Variants in ZGRF1 observed in about 807,000 individuals in gnomAD.
ZGRF1 encodes 5'-3' DNA helicase ZGRF1.
Under a neutral mutation model 203.5 loss-of-function variants are expected in ZGRF1, and 196 were observed. The ratio of observed to expected loss-of-function variants is 0.96; its 90% CI spans 0.86 to 1.08. The LOEUF is 1.08. Among genes scored for constraint, ZGRF1 ranks in the 50% least tolerant of loss-of-function variants. The pLI, the probability that ZGRF1 is intolerant of heterozygous loss-of-function variation, is 0.00. For missense variants in ZGRF1, 2,326 were observed against 2,416.3 expected (o/e 0.96, Z 0.78); for synonymous variants, 809 against 841.3 (o/e 0.96, Z 0.66).
chr4:112,612,960 A>G (rs1342606669), intron 6 of ZGRF1, among the ~76,000 whole-genome samples: 3 of 152,196 alleles, frequency 2.0e-5, no homozygotes, highest in Non-Finnish European at 4.4e-5. Flanking sequence ...TAGGAAAGAA[A>G]GTCAAGACTC....
At chr4:112,625,177 T>C (rs1373442644) in intron 3 of ZGRF1, among the ~76,000 whole-genome samples, 1 of 152,180 alleles carries the variant, frequency 6.6e-6, no homozygotes, top group Non-Finnish European at 1.5e-5. Context: ...TAGTCCCAAC[T>C]ACTTCGGAAG....
intron 4 of ZGRF1, among the ~76,000 whole-genome samples, chr4:112,621,190 TAG>T (rs1421747834): frequency 6.6e-6 from 1 of 152,174 alleles, no homozygotes; most frequent in Non-Finnish European, 1.5e-5. Context: ...TTTCAAAAAT[TAG>T]AGTTATTACC....
chr4:112,612,631 G>T, intron 6 of ZGRF1, 43 bp from the exon 7 acceptor site: 1 of 1,222,534 alleles, frequency 8.2e-7, no homozygotes, highest in Non-Finnish European at 1.2e-6. Flanking sequence ...GTTATATATA[G>T]CAGTACTCTA....
At chr4:112,558,053 C>T in intron 20 of ZGRF1, 97 bp downstream of exon 20, 1 of 963,610 alleles carries the variant, frequency 1.0e-6, no homozygotes, top group Non-Finnish European at 1.6e-6. Flanking sequence ...CTTGGCATAA[C>T]CAGCAAGAGT....
At position 112,539,983 on chromosome 4, in the gene ZGRF1, C is replaced by G. The variant is rs938179717; in HGVS notation, c.6052G>C (p.Asp2018His). ...GCAACATTCATTCTTTTTTCTGAAT[C>G]AATGAATCCTACTTGTCTTGTCCTT... ...CVRTRQVGFIDSEKRMNVALT... is the reference protein window; with the variant it reads ...CVRTRQVGFIHSEKRMNVALT... Residue 2018 changes from aspartate to histidine, a missense_variant, in exon 27 of 28, where the codon GAT becomes CAT. Physicochemically the swap from Asp to His is moderately conservative, Grantham distance 81 (BLOSUM62 -1). Coordinates refer to ENST00000505019, the MANE Select transcript of ZGRF1 (RefSeq NM_018392.5). 6.2e-7 allele frequency: 1 copy of G among 1,613,622 alleles called. No homozygotes were observed. Among genetic ancestry groups the G allele is most frequent in the African/African-American group, 1.3e-5 (1 of 74,924 alleles).
intron 22 of ZGRF1, among the ~76,000 whole-genome samples, chr4:112,549,502 T>G (rs541554139): frequency 1.3e-5 from 2 of 152,340 alleles, no homozygotes; most frequent in African/African-American, 4.8e-5. Context: ...TGGTCAATGA[T>G]GGACCAGATG....
rs1336619268 is a variant in ZGRF1, at chr4:112,581,729, T to C, written c.4372A>G (p.Asn1458Asp). ...KFTTVNPEFY[N>D]EPKTKLYLKL... ...AGATAAAGTTTGGTTTTTGGTTCATTATAAAACTCAGGATTTACAGTAGTA... is the reference window on the plus strand; with the variant it reads ...AGATAAAGTTTGGTTTTTGGTTCATCATAAAACTCAGGATTTACAGTAGTA... The change falls in exon 16 of 28, where the codon AAT becomes GAT. Residue 1458 changes from asparagine to aspartate, a missense_variant. Asn to Asp is a conservative substitution (Grantham distance 23). Transcript: ENST00000505019. The C allele has an allele frequency of 1.3e-6, 2 of 1,578,408 alleles. No individual in the cohort carries two copies. The highest frequency in any genetic ancestry group is 2.4e-5 in the South Asian group (2 of 84,076).
chr4:112,539,366 G>A lies in ZGRF1; in HGVS notation c.*181C>T. On this transcript the variant is annotated 3_prime_UTR_variant, in exon 28 of 28. Coordinates refer to ENST00000505019, the MANE Select transcript of ZGRF1 (RefSeq NM_018392.5). ...CTTAGAAAAAAGCTTATTTTTATTA[G>A]TAGGATTTTATACTACCTTTTGTAC... 1 of 405,436 alleles carries A rather than the reference G, an allele frequency of 2.5e-6. No individual in the cohort carries two copies. Among genetic ancestry groups the A allele is most frequent in the Non-Finnish European group, 4.3e-6 (1 of 233,648 alleles). The allele number at this position is 405,436 out of a possible 1,614,324, so 25.1% of individuals were successfully genotyped here.
rs553428352 is a variant in ZGRF1, at chr4:112,604,980, A to AAAG, written c.2802+1025_2802+1027dup. Among the ~76,000 whole-genome samples, 17 of 152,360 alleles carry AAAG rather than the reference A, an allele frequency of 1.1e-4. No homozygotes were observed. The South Asian group carries it at 3.5e-3, about 32-fold the overall frequency. ...TGAAGAACTGTAAATCACACATTTG[A>AAAG]AAGAAAAATCTAATTTAAATGCCCC... On this transcript the variant is annotated intron_variant, in intron 9 of 27. Coordinates refer to ENST00000505019, the MANE Select transcript of ZGRF1 (RefSeq NM_018392.5).
chr4:112,618,693 T>C lies in ZGRF1; in HGVS notation c.1349A>G (p.Lys450Arg). ...PFNQNDKGCIKGSVLIKENAQ... is the reference protein window; with the variant it reads ...PFNQNDKGCIRGSVLIKENAQ... The stretch of plus-strand genomic sequence containing the variant: ...ATTTTCTTTAATGAGAACTGATCCT[T>C]TAATGCACCCCTTGTCATTTTGATT... Residue 450 changes from lysine (K) to arginine (R), a missense_variant, in exon 6 of 28, where the codon AAA becomes AGA. Lys to Arg is a conservative substitution (Grantham distance 26). Coordinates refer to ENST00000505019, the MANE Select transcript of ZGRF1 (RefSeq NM_018392.5). The C allele has an allele frequency of 1.2e-6, 2 of 1,612,302 alleles. No homozygotes were observed. The highest frequency in any genetic ancestry group is 1.3e-5 in the African/African-American group (1 of 75,004).
intron 19 of ZGRF1, 53 bp downstream of exon 19, chr4:112,560,680 C>G: frequency 7.0e-7 from 1 of 1,434,612 alleles, no homozygotes. Context: ...GACTGAGTTA[C>G]AAAAGCTTAC....
chr4:112,614,181 A>G (rs1439284079), intron 6 of ZGRF1, among the ~76,000 whole-genome samples: 1 of 152,228 alleles, frequency 6.6e-6, no homozygotes. Flanking sequence ...ACTTCATAAA[A>G]GTATGTTATA....
chr4:112,575,635 G>A (rs566707182), intron 16 of ZGRF1, among the ~76,000 whole-genome samples: 3 of 152,314 alleles, frequency 2.0e-5, no homozygotes, highest in Admixed American at 6.5e-5. Context: ...ATTATATCCC[G>A]TGCCTGGATC....
intron 6 of ZGRF1, among the ~76,000 whole-genome samples, chr4:112,615,619 A>G (rs2046839960): frequency 6.6e-6 from 1 of 150,502 alleles, no homozygotes; most frequent in East Asian, 1.9e-4. Flanking sequence ...TTTATTTTTC[A>G]TTAAAGCTTT....
At chr4:112,582,778 A>G (rs528010028) in intron 15 of ZGRF1, among the ~76,000 whole-genome samples, 1 of 152,274 alleles carries the variant, frequency 6.6e-6, no homozygotes, top group South Asian at 2.1e-4. Flanking sequence ...TTCACTTAAC[A>G]TAATGACCTC....
intron 16 of ZGRF1, among the ~76,000 whole-genome samples, chr4:112,581,334 T>A (rs1181455366): frequency 1.3e-5 from 2 of 148,176 alleles, no homozygotes; most frequent in African/African-American, 2.5e-5. Context: ...TGTTAAATGA[T>A]GAGTTAATGG....
In ZGRF1 at chr4:112,541,059, ATG is replaced by A. The variant is rs1560724848; in HGVS notation, c.5775+31_5775+32del. 16 of 1,553,644 alleles carry A rather than the reference ATG, an allele frequency of 1.0e-5. No homozygotes were observed. The Admixed American group carries it at 2.0e-4, about 19-fold the overall frequency. On this transcript the variant is annotated intron_variant, in intron 25 of 27. Transcript: ENST00000505019. ...CAAAATTAAACCAGGAACCTAAACC[ATG>A]TTGACTCTCATCAACATTAATGTCA...
chr4:112,600,032 C>A (rs1482625002), intron 10 of ZGRF1, among the ~76,000 whole-genome samples: 1 of 151,418 alleles, frequency 6.6e-6, no homozygotes, highest in Non-Finnish European at 1.5e-5. Context: ...TCTTCATGAT[C>A]TTGAGGTAAT....
chr4:112,605,989 T>C lies in ZGRF1; in HGVS notation c.2802+19A>G. The C allele has an allele frequency of 3.4e-6, 5 of 1,450,728 alleles. No individual in the cohort carries two copies. Among genetic ancestry groups the C allele is most frequent in the Non-Finnish European group, 4.8e-6 (5 of 1,045,104 alleles). The allele number at this position is 1,450,728 out of a possible 1,614,324, so 89.9% of individuals were successfully genotyped here. ...AAATGTAGTTGGTTAAATAAATCGA[T>C]GTTCTTCACAAATTTTACCTTAGGG... is the stretch of plus-strand genomic sequence containing the variant. On this transcript the variant is annotated intron_variant, in intron 9 of 27. Coordinates refer to ENST00000505019, the MANE Select transcript of ZGRF1 (RefSeq NM_018392.5).
Sources: gnomAD v4.1 joint callset for allele counts (sites outside exome capture counted in the v4.1 genomes callset) on GRCh38, gnomAD v4.1.1 for gene constraint, MANE v1.5 for transcripts, NCBI Gene and HGNC (gene_info 2026-07-23, HGNC 2026-07-21) for gene names.